SH2B3: variants seen among roughly 807,000 people sequenced by gnomAD.
SH2B3 encodes SH2B adaptor protein 3.
SH2B3 carries 43 observed loss-of-function variants against 51.9 expected under a neutral mutation model. That is an observed-to-expected ratio of 0.83 (90% CI 0.65 to 1.07). The LOEUF (loss-of-function observed/expected upper bound fraction) is 1.07. SH2B3 is among the 50% of genes least tolerant of loss of function. SH2B3 has a pLI of 0.00. For synonymous variants in SH2B3, 396 were observed against 376.0 expected (o/e 1.05, Z -0.62); for missense variants, 952 against 834.3 (o/e 1.14, Z -1.74).
At chr12:111,419,492 G>A (rs1282814470) in intron 2 of SH2B3, among the ~76,000 whole-genome samples, 1 of 152,090 alleles carries the variant, frequency 6.6e-6, no homozygotes, top group Non-Finnish European at 1.5e-5. Context: ...TAAAAAATTA[G>A]CTGAGCACAG....
intron 2 of SH2B3, among the ~76,000 whole-genome samples, chr12:111,421,069 T>G (rs1304735099): frequency 6.6e-6 from 1 of 152,192 alleles, no homozygotes; most frequent in Non-Finnish European, 1.5e-5. Context: ...TACCACCTCT[T>G]ATCACCACAG....
Position 111,435,337 on chromosome 12 carries a change from T to C in SH2B3, c.733-11416T>C, listed in dbSNP as rs1175701105. Among the ~76,000 whole-genome samples, 1 of 152,116 alleles carries C rather than the reference T, an allele frequency of 6.6e-6. No homozygotes were observed. The highest frequency in any genetic ancestry group is 1.5e-5 in the Non-Finnish European group (1 of 68,006). The stretch of plus-strand genomic sequence containing the variant: ...TGATACCCTCGGTGATCGTCACAGA[T>C]GCGGGGCCTGGCTACAGTCCTCACT... On this transcript the variant is annotated intron_variant, in intron 2 of 7. Coordinates refer to ENST00000341259, the MANE Select transcript of SH2B3 (RefSeq NM_005475.3). This position sits in a 1 kb window ranked among gnomAD's most constrained non-coding sequence, Gnocchi z 4.8.
chr12:111,442,991 C>T (rs1428375805), intron 2 of SH2B3, among the ~76,000 whole-genome samples: 5 of 152,206 alleles, frequency 3.3e-5, no homozygotes, highest in South Asian at 2.1e-4. Context: ...CCCAGTACCT[C>T]GGAAGACTCT....
In SH2B3 at chr12:111,448,280, A is replaced by ACAAT. The variant is rs1874255026; in HGVS notation, c.1709_1712dup (p.Tyr572SerfsTer81). ...TCCCGGAGCCACCTGCGGGCCATAGACAATCAGTACACACCTCTCTGACCA... is the reference window on the plus strand; with the variant it reads ...TCCCGGAGCCACCTGCGGGCCATAGACAATCAATCAGTACACACCTCTCTGACCA... On this transcript the variant is annotated frameshift_variant, in exon 8 of 8. Transcript: ENST00000341259. LOFTEE classifies it high-confidence loss of function. 2.5e-6 allele frequency: 4 copies of ACAAT among 1,613,126 alleles called. No individual in the cohort carries two copies. The highest frequency in any genetic ancestry group is 2.2e-5 in the East Asian group (1 of 44,856).
In SH2B3 at chr12:111,435,125, A is replaced by T; in HGVS notation, c.733-11628A>T. 1 of 993,862 alleles carries T rather than the reference A, an allele frequency of 1.0e-6. No homozygotes were observed. Among genetic ancestry groups the T allele is most frequent in the Non-Finnish European group, 1.5e-6 (1 of 682,680 alleles). The allele number at this position is 993,862 out of a possible 1,614,324, so 61.6% of individuals were successfully genotyped here. On this transcript the variant is annotated intron_variant, in intron 2 of 7. Coordinates refer to ENST00000341259, the MANE Select transcript of SH2B3 (RefSeq NM_005475.3). This position sits in a 1 kb window ranked among gnomAD's most constrained non-coding sequence, Gnocchi z 4.8. ...TCTCCCCACCCGAGACGGGCGACAG[A>T]GGTTTTTTGTTGTTTCTTAACCACA...
chr12:111,431,838 C>T (rs970599379), intron 2 of SH2B3, among the ~76,000 whole-genome samples: 1 of 152,206 alleles, frequency 6.6e-6, no homozygotes, highest in African/African-American at 2.4e-5. Flanking sequence ...AACTCCTAGG[C>T]TCAACAGTCC....
At position 111,451,167 on chromosome 12, in the gene SH2B3, T is replaced by C. The variant is rs956482642; in HGVS notation, c.*2865T>C. Reference sequence around the variant, plus strand: ...GCAATCCATATGGCTTTATCTGGTATAAATCTTCTGCCTTTGATCATTTCT... The same window carrying C: ...GCAATCCATATGGCTTTATCTGGTACAAATCTTCTGCCTTTGATCATTTCT... On this transcript the variant is annotated 3_prime_UTR_variant, in exon 8 of 8. Transcript: ENST00000341259. The C allele has an allele frequency of 2.0e-5, 3 of 152,678 alleles. No individual in the cohort carries two copies. Among genetic ancestry groups the C allele is most frequent in the African/African-American group, 7.2e-5 (3 of 41,460 alleles). 9.5% of individuals were successfully genotyped at this position (152,678 alleles called of 1,614,324 possible).
At chr12:111,411,817 G>T (rs1171909004) in intron 1 of SH2B3, among the ~76,000 whole-genome samples, 1 of 152,174 alleles carries the variant, frequency 6.6e-6, no homozygotes, top group Non-Finnish European at 1.5e-5. Context: ...GGGGGACAAG[G>T]ATGCACCAGG....
At chr12:111,427,693 T>G (rs914367123) in intron 2 of SH2B3, among the ~76,000 whole-genome samples, 2 of 152,226 alleles carry the variant, frequency 1.3e-5, no homozygotes, top group African/African-American at 4.8e-5. Context: ...GAGATGGTCT[T>G]GAAGTCCTGC....
chr12:111,406,631 C>T lies in SH2B3; in HGVS notation c.-28+354C>T, dbSNP rs926581412. On this transcript the variant is annotated intron_variant, in intron 1 of 7. Coordinates refer to ENST00000341259, the MANE Select transcript of SH2B3 (RefSeq NM_005475.3). This position sits in a 1 kb window ranked among gnomAD's most constrained non-coding sequence, Gnocchi z 5.7. ...TGCCTGGGGAGGAGCGGTCAGGGGT[C>T]ACCCATTGCTACCCTGAAAGTGAAA... Among the ~76,000 whole-genome samples, 6 of 152,196 alleles carry T rather than the reference C, an allele frequency of 3.9e-5. No homozygotes were observed. The highest frequency in any genetic ancestry group is 7.3e-5 in the Non-Finnish European group (5 of 68,028).
chr12:111,447,193 G>A lies in SH2B3; in HGVS notation c.995G>A (p.Arg332Lys). ...GAGCCTAGCACGTCCAGCTCCCCAA[G>A]GGGCAGCACAGATTCCCTTAACCAA... ...ALEPSTSSSP[R>K]GSTDSLNQGA... The change falls in exon 5 of 8, where the codon AGG becomes AAG. Residue 332 changes from arginine to lysine, a missense_variant. Coordinates refer to ENST00000341259, the MANE Select transcript of SH2B3 (RefSeq NM_005475.3). 1 of 1,613,744 alleles carries A rather than the reference G, an allele frequency of 6.2e-7. No homozygotes were observed. The highest frequency in any genetic ancestry group is 8.5e-7 in the Non-Finnish European group (1 of 1,179,616).
chr12:111,435,128 T>A lies in SH2B3; in HGVS notation c.733-11625T>A. 1 of 939,874 alleles carries A rather than the reference T, an allele frequency of 1.1e-6. No homozygotes were observed. The allele number at this position is 939,874 out of a possible 1,614,324, so 58.2% of individuals were successfully genotyped here. A position where few individuals can be genotyped will look rare whatever the true frequency, so the allele number is the denominator to read the frequency against. On this transcript the variant is annotated intron_variant, in intron 2 of 7. Coordinates refer to ENST00000341259, the MANE Select transcript of SH2B3 (RefSeq NM_005475.3). The surrounding 1 kb of genome is among the most constrained non-coding windows in gnomAD (Gnocchi z 4.8). ...CCCCACCCGAGACGGGCGACAGAGG[T>A]TTTTTGTTGTTTCTTAACCACATCT...
In SH2B3 at chr12:111,435,121, A is replaced by T; in HGVS notation, c.733-11632A>T. ...GCACTCTCCCCACCCGAGACGGGCGACAGAGGTTTTTTGTTGTTTCTTAAC... is the reference window on the plus strand; with the variant it reads ...GCACTCTCCCCACCCGAGACGGGCGTCAGAGGTTTTTTGTTGTTTCTTAAC... On this transcript the variant is annotated intron_variant, in intron 2 of 7. Transcript: ENST00000341259. This position sits in a 1 kb window ranked among gnomAD's most constrained non-coding sequence, Gnocchi z 4.8. 9.6e-7 allele frequency: 1 copy of T among 1,038,132 alleles called. No homozygotes were observed. Among genetic ancestry groups the T allele is most frequent in the Non-Finnish European group, 1.4e-6 (1 of 721,612 alleles). The allele number at this position is 1,038,132 out of a possible 1,614,324, so 64.3% of individuals were successfully genotyped here.
At chr12:111,421,031 C>G (rs1175584606) in intron 2 of SH2B3, among the ~76,000 whole-genome samples, 1 of 152,196 alleles carries the variant, frequency 6.6e-6, no homozygotes, top group Non-Finnish European at 1.5e-5. Context: ...CATGCCTCCC[C>G]CAGGCCAGTG....
chr12:111,444,080 AGCTACT>A (rs879632466), intron 2 of SH2B3: 7 of 152,254 alleles, frequency 4.6e-5, no homozygotes, highest in Non-Finnish European at 8.8e-5. Flanking sequence ...CTGTAATCCC[AGCTACT>A]GCGGAAGCTG....
rs1874339267 is a variant in SH2B3 at position 111,448,963 on chromosome 12, T to C, written c.*661T>C. The C allele has an allele frequency of 6.5e-6, 1 of 152,798 alleles. No homozygotes were observed. Among genetic ancestry groups the C allele is most frequent in the African/African-American group, 2.4e-5 (1 of 41,480 alleles). 9.5% of individuals were successfully genotyped at this position (152,798 alleles called of 1,614,324 possible). On this transcript the variant is annotated 3_prime_UTR_variant, in exon 8 of 8. Transcript: ENST00000341259. ...ACTGTTTCAACTAACACCCATGCTATTTTTGTAGTCAGAAACAGCTATGCA... is the reference window on the plus strand; with the variant it reads ...ACTGTTTCAACTAACACCCATGCTACTTTTGTAGTCAGAAACAGCTATGCA...
chr12:111,421,401 C>CTTTTTT (rs550860498), intron 2 of SH2B3, among the ~76,000 whole-genome samples: 1 of 90,618 alleles, frequency 1.1e-5, no homozygotes, highest in Non-Finnish European at 2.1e-5. Flanking sequence ...TAGTGTCTTC[C>CTTTTTT]TTTTTTTTTT....
At chr12:111,422,416 G>T (rs1189973563) in intron 2 of SH2B3, among the ~76,000 whole-genome samples, 1 of 152,102 alleles carries the variant, frequency 6.6e-6, no homozygotes, top group Non-Finnish European at 1.5e-5. Context: ...ATCGGAATTT[G>T]GTCGTTTGTG....
At chr12:111,431,935 C>A (rs752679857) in intron 2 of SH2B3, among the ~76,000 whole-genome samples, 1 of 152,156 alleles carries the variant, frequency 6.6e-6, no homozygotes, top group African/African-American at 2.4e-5. Flanking sequence ...ACTTTGCCTC[C>A]GCCTCCAAAT....
Sources: gnomAD v4.1 joint callset for allele counts (sites outside exome capture counted in the v4.1 genomes callset) on GRCh38, gnomAD v4.1.1 for gene constraint, Gnocchi (gnomAD v3.1) non-coding constraint, MANE v1.5 for transcripts, NCBI Gene and HGNC (gene_info 2026-07-23, HGNC 2026-07-21) for gene names.